ASAP2: variants seen among roughly 807,000 people sequenced by gnomAD.
The protein encoded by ASAP2 is arf-GAP with SH3 domain, ANK repeat and PH domain-containing protein 2.
In ASAP2, 45 loss-of-function variants were observed where a neutral mutation model predicts 131.4. The observed-to-expected ratio is 0.34, with a 90% confidence interval of 0.27 to 0.44. The LOEUF is 0.44. Among genes scored for constraint, ASAP2 ranks in the 20% least tolerant of loss-of-function variants. The probability of loss-of-function intolerance (pLI) is 1.00; values close to 1 mark genes in which losing one functional copy is unlikely to be tolerated. For missense variants in ASAP2, 1,011 were observed against 1,297.0 expected (o/e 0.78, Z 3.39); for synonymous variants, 510 against 503.0 (o/e 1.01, Z -0.19).
At chr2:9,367,420 GCAC>G (rs1673566645) in intron 15 of ASAP2, among the ~76,000 whole-genome samples, 1 of 152,192 alleles carries the variant, frequency 6.6e-6, no homozygotes, top group African/African-American at 2.4e-5. Context: ...TTTTCTCAAA[GCAC>G]TGAGCTTGGT....
chr2:9,238,194 T>A (rs2148058934), intron 1 of ASAP2, among the ~76,000 whole-genome samples: 1 of 152,300 alleles, frequency 6.6e-6, no homozygotes, highest in African/African-American at 2.4e-5. Flanking sequence ...AGATGACAGG[T>A]TTAGATTGTA....
At chr2:9,267,897 C>CAAAAAAA (rs34716225) in intron 1 of ASAP2, among the ~76,000 whole-genome samples, 14 of 65,006 alleles carry the variant, frequency 2.2e-4, no homozygotes, top group African/African-American at 6.3e-4. Flanking sequence ...GACTCTATCT[C>CAAAAAAA]AAAAAAAAAA....
chr2:9,235,571 G>A (rs995092239), intron 1 of ASAP2, among the ~76,000 whole-genome samples: 1 of 152,164 alleles, frequency 6.6e-6, no homozygotes, highest in Non-Finnish European at 1.5e-5. Flanking sequence ...GGAGTGAAGG[G>A]AGTGAAGTAA....
At chr2:9,320,391 A>C (rs1670078538) in intron 5 of ASAP2, 54 bp downstream of exon 5, 1 of 1,358,256 alleles carries the variant, frequency 7.4e-7, no homozygotes, top group African/African-American at 1.4e-5. Flanking sequence ...TTTCAAATTT[A>C]AACCAACCTC....
rs907714146 is a variant in ASAP2 at position 9,268,426 on chromosome 2, A to G, written c.127-10891A>G. ...CAGCTGTGACTTAGCTCAGACGTCT[A>G]TTTGATCTTAATTCTTAGCGACACC... On this transcript the variant is annotated intron_variant, in intron 1 of 27. Coordinates refer to ENST00000281419, the MANE Select transcript of ASAP2 (RefSeq NM_003887.3). The surrounding 1 kb of genome is among the most constrained non-coding windows in gnomAD (Gnocchi z 4.1). 4.6e-5 allele frequency among the ~76,000 whole-genome samples: 7 copies of G among 152,136 alleles called. No homozygotes were observed. The East Asian group carries it at 7.7e-4, about 17-fold the overall frequency.
Position 9,403,560 on chromosome 2 carries a change from A to T in ASAP2, c.*233A>T, listed in dbSNP as rs1332917476. On this transcript the variant is annotated 3_prime_UTR_variant, in exon 28 of 28. Transcript: ENST00000281419. ...TTATTAGGAAAAACTGAATTTCCCA[A>T]CAGGTGAACTGAAAAGTTATTTTAA... 3.9e-6 allele frequency: 2 copies of T among 512,760 alleles called. No homozygotes were observed. Among genetic ancestry groups the T allele is most frequent in the Non-Finnish European group, 6.9e-6 (2 of 291,182 alleles). The allele number at this position is 512,760 out of a possible 1,614,324, so 31.8% of individuals were successfully genotyped here.
At chr2:9,353,476 G>C (rs1380815474) in intron 12 of ASAP2, among the ~76,000 whole-genome samples, 1 of 152,092 alleles carries the variant, frequency 6.6e-6, no homozygotes, top group African/African-American at 2.4e-5. Context: ...AGGATCGCTT[G>C]AGTTCAGGAG....
intron 1 of ASAP2, among the ~76,000 whole-genome samples, chr2:9,273,466 G>A (rs1572322775): frequency 1.3e-5 from 2 of 152,222 alleles, no homozygotes; most frequent in South Asian, 4.1e-4. Flanking sequence ...CTGCTGCCTA[G>A]ACCAAGCTGA....
intron 9 of ASAP2, among the ~76,000 whole-genome samples, chr2:9,342,549 C>T (rs1671659999): frequency 6.6e-6 from 1 of 152,180 alleles, no homozygotes. Context: ...GACTATAAAC[C>T]TCTTGGAAGA....
rs528838325 is a variant in ASAP2 at position 9,234,026 on chromosome 2, G to A, written c.126+26796G>A. Among the ~76,000 whole-genome samples the A allele has an allele frequency of 7.4e-5, 11 of 149,640 alleles. No homozygotes were observed. In the South Asian group the frequency reaches 1.9e-3, roughly 26 times the overall value. Reference sequence around the variant, plus strand: ...CTCGGGAGGCTGAGGCATGAGAATTGCTTGAACCCGGGAGGCGGAGGTTGC... The same window carrying A: ...CTCGGGAGGCTGAGGCATGAGAATTACTTGAACCCGGGAGGCGGAGGTTGC... On this transcript the variant is annotated intron_variant, in intron 1 of 27. Transcript: ENST00000281419.
chr2:9,382,742 A>T (rs1387628412), intron 20 of ASAP2, among the ~76,000 whole-genome samples: 7 of 152,176 alleles, frequency 4.6e-5, no homozygotes. Context: ...GTACGGTTAC[A>T]CTGTTGTCAC....
intron 1 of ASAP2, among the ~76,000 whole-genome samples, chr2:9,266,644 A>G (rs950000418): frequency 6.6e-6 from 1 of 152,154 alleles, no homozygotes; most frequent in African/African-American, 2.4e-5. Context: ...TCTAGTCAAG[A>G]TGGGAATGGA....
chr2:9,334,825 C>G lies in ASAP2; in HGVS notation c.762+12C>G, dbSNP rs758287104. 9 of 1,609,310 alleles carry G rather than the reference C, an allele frequency of 5.6e-6. No homozygotes were observed. Among genetic ancestry groups the G allele is most frequent in the Non-Finnish European group, 7.7e-6 (9 of 1,176,088 alleles). ...CGGATCTTCACACGGTGAGTAGCTT[C>G]CCTCCCACTGTGGTTTAAAACCATC... On this transcript the variant is annotated intron_variant, in intron 8 of 27. Coordinates refer to ENST00000281419, the MANE Select transcript of ASAP2 (RefSeq NM_003887.3).
intron 18 of ASAP2, 106 bp from the exon 19 acceptor site, chr2:9,378,838 A>C (rs1042266176): frequency 7.4e-6 from 5 of 673,388 alleles, no homozygotes; most frequent in Non-Finnish European, 1.1e-5. Flanking sequence ...TCACTCGGGG[A>C]CTGTCTGCCT....
intron 16 of ASAP2, among the ~76,000 whole-genome samples, chr2:9,369,985 C>T (rs199505309): frequency 1.7e-4 from 26 of 152,306 alleles, no homozygotes; most frequent in Non-Finnish European, 3.5e-4. Flanking sequence ...GGGACAGGCA[C>T]ATGCCACCAC....
At position 9,403,537 on chromosome 2, in the gene ASAP2, A is replaced by C. The variant is rs1383212830; in HGVS notation, c.*210A>C. The C allele has an allele frequency of 1.5e-5, 8 of 524,922 alleles. No homozygotes were observed. Among genetic ancestry groups the C allele is most frequent in the Non-Finnish European group, 2.0e-5 (6 of 299,536 alleles). 32.5% of individuals were successfully genotyped at this position (524,922 alleles called of 1,614,324 possible). A position where few individuals can be genotyped will look rare whatever the true frequency, so the allele number is the denominator to read the frequency against. ...TTTCATGAAACATTGCTATGCATTT[A>C]TTAGGAAAAACTGAATTTCCCAACA... On this transcript the variant is annotated 3_prime_UTR_variant, in exon 28 of 28. Coordinates refer to ENST00000281419, the MANE Select transcript of ASAP2 (RefSeq NM_003887.3).
At chr2:9,318,336 C>T (rs1436981685) in intron 3 of ASAP2, among the ~76,000 whole-genome samples, 188 bp from the exon 4 acceptor site, 1 of 152,106 alleles carries the variant, frequency 6.6e-6, no homozygotes, top group Non-Finnish European at 1.5e-5. Flanking sequence ...TTTTCATTAG[C>T]CCTCTATTCA....
intron 1 of ASAP2, among the ~76,000 whole-genome samples, chr2:9,273,438 A>G (rs573919297): frequency 1.3e-5 from 2 of 152,318 alleles, no homozygotes; most frequent in South Asian, 2.1e-4. Context: ...TAACCACCCA[A>G]TGGGTTCACC....
chr2:9,400,094 G>C lies in ASAP2; in HGVS notation c.2734+22G>C, dbSNP rs775593200. ...CCTGGTAATTATTTAATTTGGGACTGAGTTTGTTTCTGCTTGGTCCATGGG... is the reference window on the plus strand; with the variant it reads ...CCTGGTAATTATTTAATTTGGGACTCAGTTTGTTTCTGCTTGGTCCATGGG... On this transcript the variant is annotated intron_variant, in intron 25 of 27. Coordinates refer to ENST00000281419, the MANE Select transcript of ASAP2 (RefSeq NM_003887.3). The C allele has an allele frequency of 2.5e-6, 4 of 1,612,178 alleles. No homozygotes were observed. In the East Asian group the frequency reaches 8.9e-5, roughly 36 times the overall value.
Sources: allele counts gnomAD v4.1 joint callset (sites outside exome capture counted in the v4.1 genomes callset), GRCh38; gene constraint gnomAD v4.1.1; non-coding constraint Gnocchi (gnomAD v3.1); transcripts MANE v1.5; gene names NCBI Gene and HGNC (gene_info 2026-07-23, HGNC 2026-07-21).